Variants in SLC18B1 observed in about 807,000 individuals in gnomAD.
SLC18B1 encodes solute carrier family 18 member B1, also known as MFS-type transporter SLC18B1.
In SLC18B1, 62 loss-of-function variants were observed where a neutral mutation model predicts 53.9. The observed-to-expected ratio is 1.15, with a 90% CI of 0.94 to 1.42. SLC18B1 has a LOEUF of 1.42. Among genes scored for constraint, SLC18B1 ranks in the 40% most tolerant of loss-of-function variants. The pLI is 0.00. For synonymous variants in SLC18B1, 217 were observed against 200.9 expected (o/e 1.08, Z -0.68); for missense variants, 598 against 547.3 (o/e 1.09, Z -0.93).
At chr6:132,786,650 G>A (rs1195845913) in intron 5 of SLC18B1, among the ~76,000 whole-genome samples, 8 of 151,684 alleles carry the variant, frequency 5.3e-5, no homozygotes, top group African/African-American at 1.9e-4. Context: ...ATTGTTACAT[G>A]AGTAAATGAG....
chr6:132,779,469 A>G, intron 6 of SLC18B1, 65 bp from the exon 7 acceptor site: 1 of 1,536,018 alleles, frequency 6.5e-7, no homozygotes. Context: ...AATTTTAACT[A>G]TTTGGAAAAC....
At position 132,790,161 on chromosome 6, in the gene SLC18B1, T is replaced by C; in HGVS notation, c.279+16A>G. ...ATTTTTAAAAATTAAGATGTGCATA[T>C]GAACTTTATACTTACATAGTTTCCA... On this transcript the variant is annotated intron_variant, in intron 3 of 13. Coordinates refer to ENST00000275227, the MANE Select transcript of SLC18B1 (RefSeq NM_052831.3). 1 of 1,525,204 alleles carries C rather than the reference T, an allele frequency of 6.6e-7. No individual in the cohort carries two copies. Among genetic ancestry groups the C allele is most frequent in the Non-Finnish European group, 8.8e-7 (1 of 1,132,150 alleles). 94.5% of individuals were successfully genotyped at this position (1,525,204 alleles called of 1,614,324 possible).
intron 3 of SLC18B1, 50 bp downstream of exon 3, chr6:132,790,127 C>A: frequency 1.5e-6 from 2 of 1,314,744 alleles, no homozygotes; most frequent in South Asian, 2.8e-5. Context: ...GAAAATAATC[C>A]ATCATATAAT....
Position 132,769,469 on chromosome 6 carries a change from A to G in SLC18B1, c.*801T>C, listed in dbSNP as rs976411768. 6.6e-6 allele frequency: 1 copy of G among 152,108 alleles called. No homozygotes were observed. The highest frequency in any genetic ancestry group is 2.4e-5 in the African/African-American group (1 of 41,356). The allele number at this position is 152,108 out of a possible 1,614,324, so 9.4% of individuals were successfully genotyped here. ...ACAAAACAAGCATTCGCATTAGGGG[A>G]AGGAGGCTGACCTGCTCTAGGGATG... On this transcript the variant is annotated 3_prime_UTR_variant, in exon 14 of 14. Transcript: ENST00000275227.
rs761258321 is a variant in SLC18B1, at chr6:132,779,316, C to G, written c.747G>C (p.Ser249=). 2 of 1,613,810 alleles carry G rather than the reference C, an allele frequency of 1.2e-6. No homozygotes were observed. Among genetic ancestry groups the G allele is most frequent in the East Asian group, 4.5e-5 (2 of 44,866 alleles). Residue 249 remains serine, a synonymous_variant, in exon 7 of 14, where the codon TCG becomes TCC. Transcript: ENST00000275227. ...LIAFVINSLS[S]CFGFLDPTLS... ...GAGTAGGATCGAGGAAGCCAAAACA[C>G]GAGCTGAGTGAGTTGATGACGAAGG...
In SLC18B1 at chr6:132,776,369, T is replaced by G. The variant is rs763314074; in HGVS notation, c.856A>C (p.Ile286Leu). Residue 286 changes from isoleucine (I) to leucine (L), a missense_variant, in exon 8 of 14, where the codon ATC (isoleucine) becomes CTC (leucine). Coordinates refer to ENST00000275227, the MANE Select transcript of SLC18B1 (RefSeq NM_052831.3). ...AGGAGACCAAATAGTGGTGAAGAGATGGCATAGGACAGTGCCATACCCAGG... is the reference window on the plus strand; with the variant it reads ...AGGAGACCAAATAGTGGTGAAGAGAGGGCATAGGACAGTGCCATACCCAGG... ...VFLGMALSYA[I>L]SSPLFGLLSD... 34 of 1,613,440 alleles carry G rather than the reference T, an allele frequency of 2.1e-5. No individual in the cohort carries two copies. In the Middle Eastern group the frequency reaches 4.9e-4, roughly 23 times the overall value.
At chr6:132,796,087 G>A (rs1331255513) in intron 2 of SLC18B1, among the ~76,000 whole-genome samples, 2 of 152,018 alleles carry the variant, frequency 1.3e-5, no homozygotes, top group African/African-American at 4.8e-5. Context: ...GGTGACTCAC[G>A]CCTGTAATCC....
At chr6:132,784,165 T>A (rs1781311244) in intron 5 of SLC18B1, 76 bp from the exon 6 acceptor site, 5 of 1,240,538 alleles carry the variant, frequency 4.0e-6, no homozygotes, top group Non-Finnish European at 5.3e-6. Context: ...TTTAAAAAAA[T>A]TTCTATCTTC....
chr6:132,770,806 A>G, intron 13 of SLC18B1, 84 bp downstream of exon 13: 1 of 1,302,066 alleles, frequency 7.7e-7, no homozygotes, highest in South Asian at 1.3e-5. Context: ...ACTGACTGGA[A>G]GAATAAATGT....
rs777212807 is a variant in SLC18B1 at position 132,776,318 on chromosome 6, G to GT, written c.897+9dup. 17 of 1,597,380 alleles carry GT rather than the reference G, an allele frequency of 1.1e-5. No individual in the cohort carries two copies. In the Admixed American group the frequency reaches 1.8e-4, roughly 17 times the overall value. ...CAAAAGTGACTCAAATATAAATTAA[G>GT]TGTACGTACTGGCCTTTTATCACTT... On this transcript the variant is annotated intron_variant, in intron 8 of 13. Transcript: ENST00000275227.
intron 13 of SLC18B1, among the ~76,000 whole-genome samples, 174 bp from the exon 14 acceptor site, chr6:132,770,510 C>A (rs1005738103): frequency 1.3e-5 from 2 of 152,050 alleles, no homozygotes; most frequent in African/African-American, 2.4e-5. Flanking sequence ...CAGAGGCAGG[C>A]GGATCACTTG....
chr6:132,798,219 T>C (rs909986034), intron 1 of SLC18B1, among the ~76,000 whole-genome samples, 195 bp downstream of exon 1: 1 of 152,210 alleles, frequency 6.6e-6, no homozygotes, highest in African/African-American at 2.4e-5. Context: ...TTAGAAACCG[T>C]GACACATATC....
At chr6:132,789,183 C>T (rs996252828) in intron 4 of SLC18B1, among the ~76,000 whole-genome samples, 1 of 152,124 alleles carries the variant, frequency 6.6e-6, no homozygotes, top group Non-Finnish European at 1.5e-5. Flanking sequence ...GTTCCATGCT[C>T]TGAACTGAGC....
chr6:132,783,581 G>C (rs1291801005), intron 6 of SLC18B1, among the ~76,000 whole-genome samples: 1 of 152,218 alleles, frequency 6.6e-6, no homozygotes, highest in Non-Finnish European at 1.5e-5. Context: ...TGGGAGAGAA[G>C]GATGGGCATT....
Position 132,770,953 on chromosome 6 carries a change from A to T in SLC18B1, c.1255-14T>A. On this transcript the variant is annotated splice_polypyrimidine_tract_variant and intron_variant, in intron 12 of 13. Transcript: ENST00000275227. ...CATGGCTAATCCCTTAAACACAATTAAAAGTACTGATTAATGTAAATTTTC... is the reference window on the plus strand; with the variant it reads ...CATGGCTAATCCCTTAAACACAATTTAAAGTACTGATTAATGTAAATTTTC... 6.2e-7 allele frequency: 1 copy of T among 1,612,412 alleles called. No individual in the cohort carries two copies. Among genetic ancestry groups the T allele is most frequent in the Non-Finnish European group, 8.5e-7 (1 of 1,179,448 alleles).
rs1322654739 is a variant in SLC18B1, at chr6:132,769,538, A to G, written c.*732T>C. 1.3e-5 allele frequency: 2 copies of G among 152,222 alleles called. No homozygotes were observed. Among genetic ancestry groups the G allele is most frequent in the Non-Finnish European group, 2.9e-5 (2 of 68,042 alleles). The allele number at this position is 152,222 out of a possible 1,614,324, so 9.4% of individuals were successfully genotyped here. On this transcript the variant is annotated 3_prime_UTR_variant, in exon 14 of 14. Coordinates refer to ENST00000275227, the MANE Select transcript of SLC18B1 (RefSeq NM_052831.3). ...ATAGATAAAAACAAAAACAAAACAG[A>G]TGGTAGAGCCAAAAAACAGAGACAT...
Position 132,779,268 on chromosome 6 carries a change from C to A in SLC18B1, c.795G>T (p.Lys265Asn), listed in dbSNP as rs141376596. 3 of 1,613,732 alleles carry A rather than the reference C, an allele frequency of 1.9e-6. No homozygotes were observed. In the Admixed American group the frequency reaches 5.0e-5, roughly 27 times the overall value. Reference protein sequence around the residue: ...DPTLSLFVLEKFNLPAGYVGL... With the variant: ...DPTLSLFVLENFNLPAGYVGL... ...ACTCTTCAGCAATCAGGTAACTTAC[C>A]TTCTCCAAAACAAAGAGAGACAGAG... The change falls in exon 7 of 14, where the codon AAG becomes AAT. Residue 265 changes from lysine (K) to asparagine (N), a missense_variant and splice_region_variant. Lys to Asn is a moderately conservative substitution (Grantham distance 94). Coordinates refer to ENST00000275227, the MANE Select transcript of SLC18B1 (RefSeq NM_052831.3).
intron 4 of SLC18B1, among the ~76,000 whole-genome samples, chr6:132,788,810 G>A (rs1200328606): frequency 2.2e-5 from 3 of 137,710 alleles, no homozygotes; most frequent in African/African-American, 8.6e-5. Flanking sequence ...GCAATAGAGT[G>A]AGACTCCATC....
chr6:132,786,288 G>A (rs1781367635), intron 5 of SLC18B1, among the ~76,000 whole-genome samples: 2 of 152,202 alleles, frequency 1.3e-5, no homozygotes, highest in Admixed American at 6.5e-5. Flanking sequence ...GCTCACGCCT[G>A]TAATCCTAGC....
Sources: allele counts gnomAD v4.1 joint callset (sites outside exome capture counted in the v4.1 genomes callset), GRCh38; gene constraint gnomAD v4.1.1; transcripts MANE v1.5; gene names NCBI Gene and HGNC (gene_info 2026-07-23, HGNC 2026-07-21).